GALNT10: variants seen among roughly 807,000 people sequenced by gnomAD.
GALNT10 encodes polypeptide N-acetylgalactosaminyltransferase 10, also known as GalNAc transferase 10.
In GALNT10, 41 loss-of-function variants were observed where a neutral mutation model predicts 75.0. The ratio of observed to expected loss-of-function variants is 0.55; its 90% CI spans 0.43 to 0.71. GALNT10 has a LOEUF of 0.71. GALNT10 is among the 30% of genes least tolerant of loss of function. The pLI is 0.00. For synonymous variants in GALNT10, 302 were observed against 313.0 expected (o/e 0.96, Z 0.37); for missense variants, 727 against 818.5 (o/e 0.89, Z 1.36).
In GALNT10 at chr5:154,409,683, A is replaced by G; in HGVS notation, c.1307A>G (p.Lys436Arg). The change falls in exon 9 of 12, where the codon AAG becomes AGG. Residue 436 changes from lysine to arginine, a missense_variant. Physicochemically the swap from Lys to Arg is conservative, Grantham distance 26. Transcript: ENST00000297107. The surrounding 1 kb of genome is among the most constrained non-coding windows in gnomAD (Gnocchi z 4.5). ...LRSSLNCKSF[K>R]WFMTKIAWDL... ...AGCTCCCTTAACTGCAAGAGTTTCA[A>G]GTGGTTTATGACGAAGATAGCCTGG... 1 of 1,614,180 alleles carries G rather than the reference A, an allele frequency of 6.2e-7. No homozygotes were observed. The highest frequency in any genetic ancestry group is 8.5e-7 in the Non-Finnish European group (1 of 1,180,020).
intron 7 of GALNT10, among the ~76,000 whole-genome samples, chr5:154,399,535 C>T (rs1370973875): frequency 6.6e-6 from 1 of 152,214 alleles, no homozygotes; most frequent in Non-Finnish European, 1.5e-5. Context: ...AACAAGGAAA[C>T]CTCGGGCTCC....
chr5:154,338,175 C>T (rs1426216461), intron 4 of GALNT10: 1 of 782,040 alleles, frequency 1.3e-6, no homozygotes, highest in Non-Finnish European at 2.3e-6. Flanking sequence ...CTCTTTGGTT[C>T]TGCAACTCTT....
At chr5:154,275,815 A>T (rs947562136) in intron 1 of GALNT10, among the ~76,000 whole-genome samples, 2 of 152,166 alleles carry the variant, frequency 1.3e-5, no homozygotes, top group African/African-American at 4.8e-5. Context: ...TGATCTAGTC[A>T]TGTAGAAATC....
At chr5:154,207,559 A>G (rs1196073996) in intron 1 of GALNT10, among the ~76,000 whole-genome samples, 1 of 152,238 alleles carries the variant, frequency 6.6e-6, no homozygotes, top group Admixed American at 6.5e-5. Flanking sequence ...ATGTGAGCAC[A>G]TAGGAGAGCC....
intron 1 of GALNT10, among the ~76,000 whole-genome samples, chr5:154,286,292 G>T (rs1197947091): frequency 6.6e-6 from 1 of 152,094 alleles, no homozygotes; most frequent in Non-Finnish European, 1.5e-5. Flanking sequence ...CACTTAAGTT[G>T]ATGGACAGAT....
At chr5:154,386,745 T>C (rs1755812800) in intron 7 of GALNT10, 1 of 535,056 alleles carries the variant, frequency 1.9e-6, no homozygotes, top group Non-Finnish European at 3.3e-6. Flanking sequence ...GGTCTGAGAT[T>C]GAGATGTCCA....
chr5:154,377,445 C>T (rs11949250), intron 5 of GALNT10, among the ~76,000 whole-genome samples: 11,306 of 152,206 alleles, frequency 0.074, 925 homozygotes, highest in African/African-American at 0.2. Context: ...CAAACTTGAG[C>T]GTGCATCAGA....
intron 1 of GALNT10, chr5:154,217,950 C>T: frequency 1.1e-6 from 1 of 916,136 alleles, no homozygotes; most frequent in Non-Finnish European, 1.3e-6. Flanking sequence ...CCTGATTGGA[C>T]CTGAATAAAA....
rs1295221443 is a variant in GALNT10 at position 154,416,330 on chromosome 5, G to A, written c.1653+398G>A. Among the ~76,000 whole-genome samples the A allele has an allele frequency of 2.0e-5, 3 of 152,150 alleles. No individual in the cohort carries two copies. Among genetic ancestry groups the A allele is most frequent in the African/African-American group, 7.2e-5 (3 of 41,418 alleles). On this transcript the variant is annotated intron_variant, in intron 11 of 11. Transcript: ENST00000297107. The surrounding 1 kb of genome is among the most constrained non-coding windows in gnomAD (Gnocchi z 4.5). ...TGCCTGTACTCCCAGCTACTCGGGA[G>A]GCCGAGGCAGGAGAAGCACTTGAAC... is the stretch of plus-strand genomic sequence containing the variant.
At chr5:154,253,620 A>G (rs572185083) in intron 1 of GALNT10, among the ~76,000 whole-genome samples, 1 of 151,804 alleles carries the variant, frequency 6.6e-6, no homozygotes, top group South Asian at 2.1e-4. Context: ...CTTTTAAGTT[A>G]TCCATATTTT....
intron 3 of GALNT10, among the ~76,000 whole-genome samples, chr5:154,318,197 T>C (rs1422510112): frequency 6.6e-6 from 1 of 152,218 alleles, no homozygotes; most frequent in Non-Finnish European, 1.5e-5. Flanking sequence ...AAAATCGGGT[T>C]GCTGCTACCA....
At chr5:154,345,860 G>T (rs1480567195) in intron 4 of GALNT10, among the ~76,000 whole-genome samples, 4 of 148,472 alleles carry the variant, frequency 2.7e-5, no homozygotes, top group Non-Finnish European at 5.9e-5. Context: ...GCCCAGGCTA[G>T]TCTTGAACTC....
intron 4 of GALNT10, among the ~76,000 whole-genome samples, chr5:154,370,429 G>A (rs1755547550): frequency 6.6e-6 from 1 of 152,180 alleles, no homozygotes; most frequent in Admixed American, 6.5e-5. Context: ...CTGTGGTTTG[G>A]GTACATCAGG....
intron 4 of GALNT10, among the ~76,000 whole-genome samples, chr5:154,345,292 C>G (rs530586172): frequency 1.3e-5 from 2 of 152,078 alleles, no homozygotes; most frequent in East Asian, 3.9e-4. Context: ...CCCATAGCTA[C>G]CTTTTTTGTA....
intron 4 of GALNT10, among the ~76,000 whole-genome samples, chr5:154,343,552 C>G (rs1204290808): frequency 6.6e-6 from 1 of 152,144 alleles, no homozygotes; most frequent in East Asian, 1.9e-4. Flanking sequence ...TGTTTGAGGC[C>G]TCAACCAAGC....
intron 1 of GALNT10, among the ~76,000 whole-genome samples, chr5:154,205,755 A>T (rs1258193225): frequency 6.6e-6 from 1 of 152,202 alleles, no homozygotes; most frequent in Admixed American, 6.5e-5. Context: ...GACGGCTGTG[A>T]AAAGCTGTAG....
At chr5:154,287,915 A>T (rs6871973) in intron 1 of GALNT10, among the ~76,000 whole-genome samples, 720 of 56,920 alleles carry the variant, frequency 0.013, 6 homozygotes, top group South Asian at 0.037. Context: ...TGTGTGTGTG[A>T]GAGAGAGAGA....
chr5:154,232,027 G>A (rs930266141), intron 1 of GALNT10, among the ~76,000 whole-genome samples: 1 of 152,198 alleles, frequency 6.6e-6, no homozygotes, highest in Non-Finnish European at 1.5e-5. Flanking sequence ...TGCCCTCCGG[G>A]GGGAGAGAGC....
At chr5:154,363,133 AT>A (rs1450117043) in intron 4 of GALNT10, among the ~76,000 whole-genome samples, 3 of 152,186 alleles carry the variant, frequency 2.0e-5, no homozygotes, top group Admixed American at 6.5e-5. Flanking sequence ...ATTTTGGCAT[AT>A]TGTCAACTGG....
Sources: allele counts gnomAD v4.1 joint callset (sites outside exome capture counted in the v4.1 genomes callset), GRCh38; gene constraint gnomAD v4.1.1; non-coding constraint Gnocchi (gnomAD v3.1); transcripts MANE v1.5; gene names NCBI Gene and HGNC (gene_info 2026-07-23, HGNC 2026-07-21).